Variants in CEP112 observed in about 807,000 individuals in gnomAD.
CEP112 encodes the protein centrosomal protein of 112 kDa.
CEP112 carries 127 observed loss-of-function variants against 153.0 expected under a neutral mutation model. The ratio of observed to expected loss-of-function variants is 0.83; its 90% confidence interval spans 0.72 to 0.96. The LOEUF is 0.96. Ranked by LOEUF, CEP112 falls within the 40% of genes least tolerant of loss-of-function variation. CEP112 has a pLI of 0.00. For missense variants in CEP112, 1,089 were observed against 1,101.2 expected (o/e 0.99, Z 0.16); for synonymous variants, 358 against 374.4 (o/e 0.96, Z 0.51).
chr17:66,062,584 A>G (rs2146013796), intron 11 of CEP112, among the ~76,000 whole-genome samples: 1 of 152,252 alleles, frequency 6.6e-6, no homozygotes, highest in East Asian at 1.9e-4. Flanking sequence ...AGTCCATATT[A>G]TATTTTCTAA....
rs1467746409 is a variant in CEP112, at chr17:66,176,924, T to C, written c.203A>G (p.Lys68Arg). 2.0e-5 allele frequency: 32 copies of C among 1,613,760 alleles called. No individual in the cohort carries two copies. The highest frequency in any genetic ancestry group is 2.7e-5 in the Non-Finnish European group (32 of 1,179,744). Reference protein sequence around the residue: ...MGRKNRNLYAKLLLHMLKRGA... With the variant: ...MGRKNRNLYARLLLHMLKRGA... ...TCGTTTAAGCATATGCAATAACAAT[T>C]TTGCATACAGGTTCCGATTCTTCCT... Residue 68 changes from lysine (K) to arginine (R), a missense_variant, in exon 3 of 27, where the codon AAA becomes AGA. By Grantham distance (26) the Lys-to-Arg change is conservative. Coordinates refer to ENST00000535342, the MANE Select transcript of CEP112 (RefSeq NM_001199165.4).
At chr17:65,769,660 G>A (rs1270297145) in intron 21 of CEP112, among the ~76,000 whole-genome samples, 1 of 152,046 alleles carries the variant, frequency 6.6e-6, no homozygotes, top group Non-Finnish European at 1.5e-5. Context: ...AAAACACAGT[G>A]AGGAAAAGAT....
intron 6 of CEP112, among the ~76,000 whole-genome samples, chr17:66,122,778 G>A (rs1214729031): frequency 4.6e-5 from 7 of 152,302 alleles, no homozygotes; most frequent in Non-Finnish European, 5.9e-5. Flanking sequence ...TAGATGCTGA[G>A]GTAGTCTCTG....
rs2059901444 is a variant in CEP112, at chr17:65,902,348, G to A, written c.1981-14C>T. The A allele has an allele frequency of 1.2e-6, 2 of 1,604,380 alleles. No homozygotes were observed. Among genetic ancestry groups the A allele is most frequent in the Non-Finnish European group, 8.5e-7 (1 of 1,175,352 alleles). ...CAGCTCTACTATCTGATTGGACAAT[G>A]AGGAGGACAGTTCATCAACAGAACA... On this transcript the variant is annotated splice_polypyrimidine_tract_variant and intron_variant, in intron 19 of 26. Coordinates refer to ENST00000535342, the MANE Select transcript of CEP112 (RefSeq NM_001199165.4).
rs866451076 is a variant in CEP112, at chr17:65,804,962, C to T, written c.2394+46842G>A. On this transcript the variant is annotated intron_variant, in intron 21 of 26. Coordinates refer to ENST00000535342, the MANE Select transcript of CEP112 (RefSeq NM_001199165.4). ...CTCCTGGGTTCAAGCAATCCTCCCACCTCAGCCTCCAGAGTAGATTGCAGT... is the reference window on the plus strand; with the variant it reads ...CTCCTGGGTTCAAGCAATCCTCCCATCTCAGCCTCCAGAGTAGATTGCAGT... 3.3e-5 allele frequency among the ~76,000 whole-genome samples: 5 copies of T among 151,974 alleles called. 1 individual carries two copies. In the Middle Eastern group the frequency reaches 0.01, roughly 310 times the overall value.
intron 12 of CEP112, among the ~76,000 whole-genome samples, chr17:66,052,739 C>T (rs746190597): frequency 3.9e-5 from 6 of 152,080 alleles, no homozygotes; most frequent in Non-Finnish European, 8.8e-5. Context: ...CTTTGATTTC[C>T]TTCACATTAG....
chr17:65,706,370 A>C (rs1381449825), intron 23 of CEP112, among the ~76,000 whole-genome samples: 1 of 152,234 alleles, frequency 6.6e-6, no homozygotes, highest in African/African-American at 2.4e-5. Context: ...TCCCTGGAGC[A>C]GGACCTGGAA....
rs371120339 is a variant in CEP112, at chr17:65,913,770, T to C, written c.1981-11436A>G. ...TGCCTGCTGAAGCTCCCGAAGCTCA[T>C]GATACAGGGAGAGCAGAAGGCTGGA... On this transcript the variant is annotated intron_variant, in intron 19 of 26. Transcript: ENST00000535342. 47 of 985,432 alleles carry C rather than the reference T, an allele frequency of 4.8e-5. 2 individuals are homozygous for C. In the African/African-American group the frequency reaches 5.8e-4, roughly 12 times the overall value. The allele number at this position is 985,432 out of a possible 1,614,324, so 61.0% of individuals were successfully genotyped here. A position where few individuals can be genotyped will look rare whatever the true frequency, so the allele number is the denominator to read the frequency against.
At chr17:66,138,435 T>C (rs886920844) in intron 4 of CEP112, among the ~76,000 whole-genome samples, 4 of 152,112 alleles carry the variant, frequency 2.6e-5, no homozygotes, top group South Asian at 2.1e-4. Flanking sequence ...TAAGACTGGG[T>C]GGGTTAATTT....
chr17:65,700,808 C>T (rs2048593629), intron 23 of CEP112, among the ~76,000 whole-genome samples: 2 of 152,070 alleles, frequency 1.3e-5, no homozygotes, highest in Non-Finnish European at 2.9e-5. Context: ...AGAGTCTTGG[C>T]AAGACATGGG....
At chr17:66,104,385 C>T (rs530783248) in intron 6 of CEP112, among the ~76,000 whole-genome samples, 5 of 152,248 alleles carry the variant, frequency 3.3e-5, no homozygotes, top group South Asian at 4.1e-4. Context: ...AGAGGGGAAC[C>T]GACTACCTTG....
intron 24 of CEP112, among the ~76,000 whole-genome samples, chr17:65,687,160 ATTTTTT>A (rs35675811): frequency 5.7e-4 from 51 of 90,168 alleles, no homozygotes; most frequent in African/African-American, 2.5e-3. Flanking sequence ...GTTATTATTA[ATTTTTT>A]TTTTTTTTTT....
At chr17:65,716,737 C>T (rs16962656) in intron 23 of CEP112, among the ~76,000 whole-genome samples, 2,716 of 151,812 alleles carry the variant, frequency 0.018, 82 homozygotes, top group African/African-American at 0.062. Context: ...GTCTTGGTAG[C>T]GTAATCAATT....
intron 4 of CEP112, among the ~76,000 whole-genome samples, chr17:66,156,840 T>C (rs1156997633): frequency 1.3e-5 from 2 of 151,522 alleles, no homozygotes; most frequent in African/African-American, 2.4e-5. Context: ...AGAAAAAGAA[T>C]GAAAAGGAAC....
chr17:66,101,331 A>G (rs959839401), intron 6 of CEP112, among the ~76,000 whole-genome samples: 2 of 152,122 alleles, frequency 1.3e-5, no homozygotes, highest in Non-Finnish European at 2.9e-5. Context: ...AATCAAGACC[A>G]TAAGAAACCA....
intron 19 of CEP112, among the ~76,000 whole-genome samples, chr17:65,905,754 C>T (rs759253287): frequency 6.6e-6 from 1 of 151,896 alleles, no homozygotes; most frequent in Non-Finnish European, 1.5e-5. Context: ...ATGGTGAAAC[C>T]CCATCTCTAC....
chr17:65,782,596 C>G (rs2054058912), intron 21 of CEP112, among the ~76,000 whole-genome samples: 1 of 152,142 alleles, frequency 6.6e-6, no homozygotes, highest in Admixed American at 6.5e-5. Context: ...ACCTAGGTGC[C>G]CATCAATGGT....
chr17:65,922,850 T>C (rs901528385), intron 19 of CEP112, among the ~76,000 whole-genome samples: 2 of 152,204 alleles, frequency 1.3e-5, no homozygotes, highest in Non-Finnish European at 2.9e-5. Context: ...GTAACATTCA[T>C]TGCCCTTCCT....
At chr17:65,967,997 CA>C (rs557204008) in intron 17 of CEP112, among the ~76,000 whole-genome samples, 127 of 152,182 alleles carry the variant, frequency 8.3e-4, no homozygotes, top group Non-Finnish European at 1.4e-3. Flanking sequence ...CTATATTTAA[CA>C]AATGATTAAA....
Sources: allele counts gnomAD v4.1 joint callset (sites outside exome capture counted in the v4.1 genomes callset), GRCh38; gene constraint gnomAD v4.1.1; transcripts MANE v1.5; gene names NCBI Gene and HGNC (gene_info 2026-07-23, HGNC 2026-07-21).